C8orf34: variants seen among roughly 807,000 people sequenced by gnomAD.
C8orf34 encodes the protein chromosome 8 open reading frame 34.
A neutral mutation model predicts 68.3 loss-of-function variants in C8orf34; 65 were observed. That is an observed-to-expected ratio of 0.95 (90% CI 0.78 to 1.17). The LOEUF (loss-of-function observed/expected upper bound fraction) is 1.17, where lower values mean the gene tolerates loss of function less well. C8orf34 is among the 50% of genes most tolerant of loss of function. The probability of loss-of-function intolerance (pLI) is 0.00; values close to 1 mark genes in which losing one functional copy is unlikely to be tolerated. For synonymous variants in C8orf34, 244 were observed against 241.2 expected (o/e 1.01, Z -0.11); for missense variants, 664 against 655.4 (o/e 1.01, Z -0.14).
intron 12 of C8orf34, among the ~76,000 whole-genome samples, chr8:68,802,986 C>T (rs575643929): frequency 5.9e-5 from 9 of 151,952 alleles, no homozygotes; most frequent in Non-Finnish European, 7.4e-5. Context: ...TCTGAGTAGT[C>T]GTATATCTAT....
chr8:68,393,756 T>C (rs1056045397), intron 1 of C8orf34, among the ~76,000 whole-genome samples: 1 of 152,130 alleles, frequency 6.6e-6, no homozygotes, highest in African/African-American at 2.4e-5. Flanking sequence ...CTGAAGGTGA[T>C]AGCGAATCAT....
At position 68,809,029 on chromosome 8, in the gene C8orf34, T is replaced by C. The variant is rs1320960806; in HGVS notation, c.1550-6857T>C. On this transcript the variant is annotated intron_variant, in intron 12 of 13. Transcript: ENST00000518698. ...GCTCATTTCCTTTTTCTGGAGGCTA[T>C]CATGAAGTGGAAAAAAACCTGGAAG... is the stretch of plus-strand genomic sequence containing the variant. 4.6e-5 allele frequency among the ~76,000 whole-genome samples: 7 copies of C among 152,120 alleles called. No individual in the cohort carries two copies. The South Asian group carries it at 1.5e-3, about 32-fold the overall frequency.
intron 2 of C8orf34, 132 bp from the exon 3 acceptor site, chr8:68,446,197 C>A: frequency 1.5e-6 from 1 of 677,334 alleles, no homozygotes; most frequent in African/African-American, 1.8e-5. Flanking sequence ...AATACCTTTG[C>A]GTGGGTACAT....
chr8:68,532,101 GGA>G (rs1371599227), intron 6 of C8orf34, among the ~76,000 whole-genome samples: 4 of 152,086 alleles, frequency 2.6e-5, no homozygotes, highest in Admixed American at 2.0e-4. Context: ...AAAGATGCTA[GGA>G]GAACTGAGTG....
At chr8:68,556,970 C>G (rs180790947) in intron 7 of C8orf34, among the ~76,000 whole-genome samples, 6 of 152,088 alleles carry the variant, frequency 3.9e-5, no homozygotes, top group Admixed American at 6.5e-5. Flanking sequence ...TTTTTTAAAC[C>G]TGAATTTTCT....
chr8:68,403,055 T>G (rs1192056743), intron 1 of C8orf34, among the ~76,000 whole-genome samples: 2 of 152,202 alleles, frequency 1.3e-5, no homozygotes, highest in Non-Finnish European at 1.5e-5. Flanking sequence ...ATTCATGCAG[T>G]GCTGTGCTTC....
At chr8:68,815,058 G>T (rs992739264) in intron 12 of C8orf34, among the ~76,000 whole-genome samples, 3 of 152,078 alleles carry the variant, frequency 2.0e-5, no homozygotes, top group Non-Finnish European at 1.5e-5. Context: ...ATCTTGTAGG[G>T]CTAGTGTTCC....
At chr8:68,370,820 C>A (rs190600185) in intron 1 of C8orf34, among the ~76,000 whole-genome samples, 417 of 152,290 alleles carry the variant, frequency 2.7e-3, no homozygotes, top group Non-Finnish European at 4.3e-3. Context: ...ATATTCCATT[C>A]ACTTTGGTCT....
At chr8:68,390,058 TG>T (rs896145163) in intron 1 of C8orf34, among the ~76,000 whole-genome samples, 1 of 152,160 alleles carries the variant, frequency 6.6e-6, no homozygotes, top group East Asian at 1.9e-4. Flanking sequence ...ACCCTGGATT[TG>T]TGAATCGTAT....
chr8:68,722,621 A>T (rs573021956), intron 10 of C8orf34, among the ~76,000 whole-genome samples: 1 of 152,100 alleles, frequency 6.6e-6, no homozygotes, highest in East Asian at 1.9e-4. Flanking sequence ...TTTTTTATAC[A>T]GTACTTATGA....
At chr8:68,458,178 C>T (rs1811632592) in intron 3 of C8orf34, among the ~76,000 whole-genome samples, 1 of 152,172 alleles carries the variant, frequency 6.6e-6, no homozygotes. Flanking sequence ...CTCAGTTCCT[C>T]TCAAAAGTCG....
At chr8:68,685,502 A>G (rs572704572) in intron 8 of C8orf34, among the ~76,000 whole-genome samples, 1 of 152,246 alleles carries the variant, frequency 6.6e-6, no homozygotes, top group Admixed American at 6.6e-5. Context: ...ACGTCCTTAC[A>G]TGTAATACTC....
intron 1 of C8orf34, among the ~76,000 whole-genome samples, chr8:68,349,159 G>C (rs1806404398): frequency 6.6e-6 from 1 of 151,918 alleles, no homozygotes. Context: ...TTCAATACCT[G>C]ATTTACTGGG....
intron 5 of C8orf34, among the ~76,000 whole-genome samples, chr8:68,516,992 G>T (rs934377713): frequency 6.6e-6 from 1 of 151,896 alleles, no homozygotes; most frequent in African/African-American, 2.4e-5. Context: ...AAAACCTAGG[G>T]ACCTCTATAC....
At chr8:68,372,551 T>G (rs961004752) in intron 1 of C8orf34, among the ~76,000 whole-genome samples, 2 of 152,060 alleles carry the variant, frequency 1.3e-5, no homozygotes, top group African/African-American at 2.4e-5. Flanking sequence ...AGGGAGTAAG[T>G]CCCTCCTCTC....
chr8:68,671,733 G>A (rs2095398552), intron 8 of C8orf34, among the ~76,000 whole-genome samples: 1 of 152,054 alleles, frequency 6.6e-6, no homozygotes, highest in Non-Finnish European at 1.5e-5. Context: ...GGTAAGAGTT[G>A]TCTGAGGAAT....
intron 10 of C8orf34, among the ~76,000 whole-genome samples, chr8:68,774,550 A>G (rs1823451143): frequency 6.6e-6 from 1 of 151,910 alleles, no homozygotes; most frequent in Non-Finnish European, 1.5e-5. Context: ...GCATTTGGAA[A>G]CATTTAAACT....
intron 1 of C8orf34, among the ~76,000 whole-genome samples, chr8:68,337,818 A>G (rs1250405934): frequency 6.6e-6 from 1 of 152,208 alleles, no homozygotes; most frequent in Admixed American, 6.5e-5. Context: ...ACAATTTGCA[A>G]TTCTGGTTAA....
At position 68,429,650 on chromosome 8, in the gene C8orf34, G is replaced by A. The variant is rs1021489677; in HGVS notation, c.328-9849G>A. Among the ~76,000 whole-genome samples the A allele has an allele frequency of 2.6e-5, 4 of 152,280 alleles. No individual in the cohort carries two copies. In the South Asian group the frequency reaches 6.2e-4, roughly 24 times the overall value. On this transcript the variant is annotated intron_variant, in intron 1 of 13. Transcript: ENST00000518698. ...TAATAGTAGAGTGGATGAATAAATT[G>A]CGGTGTATTCATACAGTGAAAACTA...
Sources: gnomAD v4.1 joint callset for allele counts (sites outside exome capture counted in the v4.1 genomes callset) on GRCh38, gnomAD v4.1.1 for gene constraint, MANE v1.5 for transcripts, NCBI Gene and HGNC (gene_info 2026-07-23, HGNC 2026-07-21) for gene names.